The following AGBL3 variants were observed in gnomAD, a reference collection of about 807,000 sequenced individuals.
The protein encoded by AGBL3 is cytosolic carboxypeptidase 3.
AGBL3 carries 68 observed loss-of-function variants against 94.5 expected under a neutral mutation model. The ratio of observed to expected loss-of-function variants is 0.72; its 90% confidence interval spans 0.59 to 0.88. The LOEUF (loss-of-function observed/expected upper bound fraction) is 0.88, where lower values mean the gene tolerates loss of function less well. AGBL3 is among the 40% of genes least tolerant of loss of function. AGBL3 has a pLI of 0.00. For synonymous variants in AGBL3, 354 were observed against 370.7 expected (o/e 0.95, Z 0.52); for missense variants, 934 against 1,103.8 (o/e 0.85, Z 2.18).
intron 5 of AGBL3, among the ~76,000 whole-genome samples, chr7:135,026,424 G>A (rs909674240): frequency 1.3e-5 from 2 of 150,936 alleles, no homozygotes; most frequent in African/African-American, 4.8e-5. Context: ...ACAGGCGTGC[G>A]CTACCACACC....
At chr7:135,115,329 A>C (rs934961611) in intron 15 of AGBL3, 51 bp from the exon 16 acceptor site, 1 of 1,209,910 alleles carries the variant, frequency 8.3e-7, no homozygotes, top group Non-Finnish European at 1.2e-6. Flanking sequence ...CCAATAAGTA[A>C]TTGTGAATAG....
intron 4 of AGBL3, among the ~76,000 whole-genome samples, chr7:135,012,695 A>G (rs1156676903): frequency 6.6e-6 from 1 of 152,158 alleles, no homozygotes; most frequent in African/African-American, 2.4e-5. Flanking sequence ...GAGGGTAAGG[A>G]AAGTCTTTTC....
intron 5 of AGBL3, among the ~76,000 whole-genome samples, chr7:135,021,494 G>T (rs1384792501): frequency 1.3e-5 from 2 of 151,404 alleles, no homozygotes; most frequent in Non-Finnish European, 2.9e-5. Flanking sequence ...GGGTTTCACC[G>T]TGTTAGCCAG....
chr7:134,999,703 C>T (rs1811472430), intron 4 of AGBL3, among the ~76,000 whole-genome samples: 1 of 152,216 alleles, frequency 6.6e-6, no homozygotes, highest in South Asian at 2.1e-4. Context: ...CATCACCCAT[C>T]TATTTGACCA....
At chr7:135,115,894 T>G (rs1826249176) in intron 16 of AGBL3, 1 of 274,854 alleles carries the variant, frequency 3.6e-6, no homozygotes, top group African/African-American at 2.2e-5. Context: ...ATAGCCTGAT[T>G]TGAAAATTAT....
intron 15 of AGBL3, among the ~76,000 whole-genome samples, chr7:135,105,575 G>C (rs1254836171): frequency 6.6e-6 from 1 of 152,070 alleles, no homozygotes; most frequent in Non-Finnish European, 1.5e-5. Flanking sequence ...CTCTCTATTT[G>C]GTTCCATTGG....
intron 15 of AGBL3, among the ~76,000 whole-genome samples, chr7:135,083,400 T>C (rs535145013): frequency 2.0e-4 from 30 of 152,286 alleles, no homozygotes; most frequent in African/African-American, 7.0e-4. Context: ...TGCCTTTTCT[T>C]TAGGCTTTCT....
At position 135,034,452 on chromosome 7, in the gene AGBL3, A is replaced by G. The variant is rs1243519502; in HGVS notation, c.861A>G (p.Pro287=). ...CTCTTACATGGACATTTCAATTTCC[A>G]CACAACAAAGATACCTGCTACTTTG... ...YFSLTWTFQF[P]HNKDTCYFAH... The change falls in exon 7 of 17, where the codon CCA becomes CCG. Residue 287 remains proline (P), a synonymous_variant. Coordinates refer to ENST00000436302, the MANE Select transcript of AGBL3 (RefSeq NM_178563.4). 5.8e-6 allele frequency: 9 copies of G among 1,551,792 alleles called. No homozygotes were observed. Among genetic ancestry groups the G allele is most frequent in the Non-Finnish European group, 7.8e-6 (9 of 1,147,000 alleles).
chr7:135,017,142 T>C lies in AGBL3; in HGVS notation c.401T>C (p.Val134Ala). ...LYPDSKEATV[V>A]YLAEDAYKEP... ...CCAGACTCCAAGGAAGCTACTGTGG[T>C]TTATCTAGCTGAAGATGGTGAGCAC... is the stretch of plus-strand genomic sequence containing the variant. The change falls in exon 5 of 17, where the codon GTT (valine) becomes GCT (alanine). Residue 134 changes from valine (V) to alanine (A), a missense_variant. Physicochemically the swap from Val to Ala is moderately conservative, Grantham distance 64. Around this residue, in one of 3 missense-constraint regions of AGBL3, gnomAD observed 488 missense variants for 563.6 expected, o/e 0.87. Coordinates refer to ENST00000436302, the MANE Select transcript of AGBL3 (RefSeq NM_178563.4). 6.5e-7 allele frequency: 1 copy of C among 1,545,468 alleles called. No individual in the cohort carries two copies. The highest frequency in any genetic ancestry group is 8.8e-7 in the Non-Finnish European group (1 of 1,140,926).
chr7:135,028,645 TCTC>T (rs1313897389), intron 5 of AGBL3, among the ~76,000 whole-genome samples: 1 of 152,158 alleles, frequency 6.6e-6, no homozygotes, highest in Non-Finnish European at 1.5e-5. Flanking sequence ...GAAATCAACT[TCTC>T]CTAAACTTCT....
rs1237683330 is a variant in AGBL3, at chr7:134,986,540, G to C, written c.-221G>C. ...GATGACGAGAGTTGGGAGTGTGGCT[G>C]GGGCTGCGGATCTCCAGCAGTGGCG... On this transcript the variant is annotated 5_prime_UTR_variant, in exon 1 of 17. Transcript: ENST00000436302. The C allele has an allele frequency of 6.6e-6, 1 of 152,374 alleles. No homozygotes were observed. The highest frequency in any genetic ancestry group is 1.9e-4 in the East Asian group (1 of 5,190). 9.4% of individuals were successfully genotyped at this position (152,374 alleles called of 1,614,324 possible).
At chr7:135,036,712 G>A (rs1816345331) in intron 7 of AGBL3, among the ~76,000 whole-genome samples, 1 of 152,170 alleles carries the variant, frequency 6.6e-6, no homozygotes, top group African/African-American at 2.4e-5. Context: ...GAAAGGAAGT[G>A]AGACATAAGG....
intron 5 of AGBL3, among the ~76,000 whole-genome samples, chr7:135,021,031 C>T (rs1393384126): frequency 7.1e-6 from 1 of 140,312 alleles, no homozygotes; most frequent in Admixed American, 7.5e-5. Context: ...ACGTTATGCA[C>T]ATGTACCCTA....
intron 6 of AGBL3, among the ~76,000 whole-genome samples, chr7:135,033,670 C>A (rs1009235035): frequency 1.1e-4 from 17 of 152,076 alleles, no homozygotes; most frequent in African/African-American, 4.1e-4. Flanking sequence ...AGTTCTTGTT[C>A]TCAAATAGAT....
At chr7:135,072,937 T>G (rs1022830777) in intron 12 of AGBL3, among the ~76,000 whole-genome samples, 1 of 151,690 alleles carries the variant, frequency 6.6e-6, no homozygotes, top group African/African-American at 2.4e-5. Context: ...AAAAATAAAA[T>G]TAAAAAAAAT....
Position 135,028,284 on chromosome 7 carries a change from T to A in AGBL3, c.419-4560T>A, listed in dbSNP as rs1232677081. On this transcript the variant is annotated intron_variant, in intron 5 of 16. Coordinates refer to ENST00000436302, the MANE Select transcript of AGBL3 (RefSeq NM_178563.4). ...TGAAAGATTTCTCTGTAGCATGTGA[T>A]GCTATTTGATAGCATTTTACCTACA... Among the ~76,000 whole-genome samples, 3 of 151,538 alleles carry A rather than the reference T, an allele frequency of 2.0e-5. 1 individual carries two copies. The East Asian group carries it at 6.2e-4, about 31-fold the overall frequency.
At position 135,017,058 on chromosome 7, in the gene AGBL3, C is replaced by T. The variant is rs1813885721; in HGVS notation, c.317C>T (p.Thr106Ile). The change falls in exon 5 of 17, where the codon ACT becomes ATT. Residue 106 changes from threonine to isoleucine, a missense_variant. Coordinates refer to ENST00000436302, the MANE Select transcript of AGBL3 (RefSeq NM_178563.4). Reference sequence around the variant, plus strand: ...GTTTCACTTTTTTTTCCAGATTGGACTCCTTCTTGTCCTGAGCCAGTGTAT... The same window carrying T: ...GTTTCACTTTTTTTTCCAGATTGGATTCCTTCTTGTCCTGAGCCAGTGTAT... ...IDEKVQHIDW[T>I]PSCPEPVYIP... 2 of 1,537,050 alleles carry T rather than the reference C, an allele frequency of 1.3e-6. No individual in the cohort carries two copies. The highest frequency in any genetic ancestry group is 4.0e-5 in the Admixed American group (2 of 50,182).
chr7:135,067,005 G>C (rs1006453965), intron 12 of AGBL3, among the ~76,000 whole-genome samples: 30 of 152,318 alleles, frequency 2.0e-4, no homozygotes, highest in East Asian at 1.4e-3. Context: ...AGGGGTGACA[G>C]ATGGCACCTG....
intron 7 of AGBL3, 58 bp downstream of exon 7, chr7:135,034,986 T>C: frequency 3.6e-6 from 5 of 1,395,628 alleles, no homozygotes; most frequent in Non-Finnish European, 4.7e-6. Flanking sequence ...AGTAACAATT[T>C]TGCTCCCACA....
Sources: allele counts gnomAD v4.1 joint callset (sites outside exome capture counted in the v4.1 genomes callset), GRCh38; gene constraint gnomAD v4.1.1; regional missense constraint gnomAD v4.1.1; transcripts MANE v1.5; gene names NCBI Gene and HGNC (gene_info 2026-07-23, HGNC 2026-07-21).